Variants in SRGAP2C observed in about 807,000 individuals in gnomAD.
The protein encoded by SRGAP2C is SLIT-ROBO Rho GTPase activating protein 2C, also known as SLIT-ROBO Rho GTPase-activating protein 2C.
A neutral mutation model predicts 25.1 loss-of-function variants in SRGAP2C; 15 were observed. The observed-to-expected ratio is 0.60, with a 90% CI of 0.40 to 0.92. The LOEUF is 0.92. Among genes scored for constraint, SRGAP2C ranks in the 40% least tolerant of loss-of-function variants. The pLI, the probability that SRGAP2C is intolerant of heterozygous loss-of-function variation, is 0.00. For missense variants in SRGAP2C, 144 were observed against 264.4 expected, an observed-to-expected ratio of 0.54 and a Z score of 3.16; for synonymous variants, 44 against 96.6, an observed-to-expected ratio of 0.46 and a Z score of 3.19.
intron 3 of SRGAP2C, among the ~76,000 whole-genome samples, chr1:121,293,551 C>A (rs1657534671): frequency 6.6e-6 from 1 of 151,538 alleles, no homozygotes; most frequent in African/African-American, 2.4e-5. Flanking sequence ...CAAGATGGGG[C>A]CAAGTGTGAG....
At chr1:121,302,380 T>C (rs1463300076) in intron 3 of SRGAP2C, among the ~76,000 whole-genome samples, 10 of 152,042 alleles carry the variant, frequency 6.6e-5, no homozygotes, top group Non-Finnish European at 8.8e-5. Context: ...AGAATTTTTG[T>C]ATACTACCAT....
At chr1:121,322,763 A>G (rs1396726910) in intron 3 of SRGAP2C, among the ~76,000 whole-genome samples, 1 of 150,186 alleles carries the variant, frequency 6.7e-6, no homozygotes, top group South Asian at 2.1e-4. Flanking sequence ...ATTTGTTAAT[A>G]GTTACTACTA....
At chr1:121,309,311 T>C (rs1334715903) in intron 3 of SRGAP2C, among the ~76,000 whole-genome samples, 1 of 140,094 alleles carries the variant, frequency 7.1e-6, no homozygotes, top group African/African-American at 2.7e-5. Context: ...TTTTAAAAGA[T>C]AAACAGTTAT....
intron 2 of SRGAP2C, among the ~76,000 whole-genome samples, chr1:121,280,792 G>T: frequency 7.3e-6 from 1 of 137,526 alleles, no homozygotes; most frequent in Middle Eastern, 3.5e-3. Flanking sequence ...TAGCTCCCAA[G>T]AATTCTCATC....
chr1:121,235,626 G>GTTT (rs60027326), intron 2 of SRGAP2C, among the ~76,000 whole-genome samples: 1 of 45,742 alleles, frequency 2.2e-5, no homozygotes, highest in African/African-American at 1.9e-4. Flanking sequence ...TGCTTTTTCT[G>GTTT]TTTTTTTTTT....
chr1:121,377,299 C>G (rs1316546040), intron 7 of SRGAP2C, among the ~76,000 whole-genome samples: 6 of 74,858 alleles, frequency 8.0e-5, no homozygotes, highest in South Asian at 8.9e-4. Flanking sequence ...GAAGGAGTCT[C>G]TCTCTGTCGC....
At chr1:121,370,535 A>G (rs1659456821) in intron 5 of SRGAP2C, among the ~76,000 whole-genome samples, 1 of 131,022 alleles carries the variant, frequency 7.6e-6, no homozygotes, top group Non-Finnish European at 1.6e-5. Context: ...TCCACCTCCC[A>G]GGTTCATGCC....
At chr1:121,313,906 C>T (rs1292548216) in intron 3 of SRGAP2C, among the ~76,000 whole-genome samples, 8 of 139,126 alleles carry the variant, frequency 5.8e-5, no homozygotes, top group African/African-American at 8.1e-5. Flanking sequence ...TATGTGTCTT[C>T]GAGTTGCTCT....
chr1:121,199,509 G>A (rs587652897), intron 2 of SRGAP2C, among the ~76,000 whole-genome samples: 3 of 76,812 alleles, frequency 3.9e-5, no homozygotes, highest in African/African-American at 1.9e-4. Context: ...GTTGAAGATC[G>A]GCCTGGCTGG....
chr1:121,315,558 C>T (rs1658078709), intron 3 of SRGAP2C, among the ~76,000 whole-genome samples: 1 of 151,456 alleles, frequency 6.6e-6, no homozygotes, highest in South Asian at 2.1e-4. Flanking sequence ...ACCACTCAGC[C>T]CTTTAAAGTT....
chr1:121,335,452 T>A (rs1471886353), intron 4 of SRGAP2C, among the ~76,000 whole-genome samples: 6 of 133,684 alleles, frequency 4.5e-5, no homozygotes, highest in Admixed American at 7.9e-5. Context: ...GAATTTTTTT[T>A]ATTTCAGATT....
intron 8 of SRGAP2C, among the ~76,000 whole-genome samples, chr1:121,384,963 G>A (rs1238705355): frequency 2.6e-5 from 4 of 152,156 alleles, no homozygotes; most frequent in Admixed American, 1.3e-4. Context: ...GCTGAGCCAG[G>A]CAGGGGCCAG....
At chr1:121,263,367 C>T (rs1173857238) in intron 2 of SRGAP2C, among the ~76,000 whole-genome samples, 8 of 135,416 alleles carry the variant, frequency 5.9e-5, no homozygotes, top group African/African-American at 2.2e-4. Context: ...GGAGGCGGTG[C>T]TTGCGGTGAG....
In SRGAP2C at chr1:121,226,163, T is replaced by G. The variant is rs1570719204; in HGVS notation, c.67+38650T>G. Among the ~76,000 whole-genome samples, 3 of 142,820 alleles carry G rather than the reference T, an allele frequency of 2.1e-5. No individual in the cohort carries two copies. In the East Asian group the frequency reaches 6.4e-4, roughly 30 times the overall value. 93.7% of individuals were successfully genotyped at this position (142,820 alleles called of 152,430 possible). A position where few individuals can be genotyped will look rare whatever the true frequency, so the allele number is the denominator to read the frequency against. ...TTCTCTAAATGGGAAAAAAAATTTGTTTTTGTTTCTTTTTTACTCAGAACA... is the reference window on the plus strand; with the variant it reads ...TTCTCTAAATGGGAAAAAAAATTTGGTTTTGTTTCTTTTTTACTCAGAACA... On this transcript the variant is annotated intron_variant, in intron 2 of 9. Coordinates refer to ENST00000367123, the MANE Select transcript of SRGAP2C (RefSeq NM_001329984.2).
chr1:121,295,734 T>TTTGTTG (rs1217576526), intron 3 of SRGAP2C, among the ~76,000 whole-genome samples: 15 of 149,988 alleles, frequency 1.0e-4, no homozygotes, highest in South Asian at 2.1e-4. Flanking sequence ...CTTTTTTGTT[T>TTTGTTG]TTGTTGTTGT....
intron 5 of SRGAP2C, among the ~76,000 whole-genome samples, chr1:121,366,776 C>G (rs1659333213): frequency 1.3e-5 from 2 of 151,638 alleles, no homozygotes; most frequent in East Asian, 3.9e-4. Flanking sequence ...CTGTAAGCAT[C>G]TTGACCCTCT....
intron 2 of SRGAP2C, among the ~76,000 whole-genome samples, chr1:121,262,448 CTT>C (rs1656646313): frequency 1.4e-5 from 1 of 72,300 alleles, no homozygotes; most frequent in African/African-American, 6.3e-5. Context: ...AGGCAGAAAT[CTT>C]TACTGTGAGC....
intron 2 of SRGAP2C, among the ~76,000 whole-genome samples, chr1:121,210,308 T>C (rs1655219033): frequency 9.6e-6 from 1 of 104,336 alleles, no homozygotes; most frequent in Non-Finnish European, 1.9e-5. Context: ...GGTAATTCCA[T>C]CAGCGCTTTA....
intron 3 of SRGAP2C, among the ~76,000 whole-genome samples, chr1:121,323,969 C>T (rs1386159338): frequency 6.6e-6 from 1 of 152,152 alleles, no homozygotes; most frequent in African/African-American, 2.4e-5. Context: ...GACTTAGTGG[C>T]TAAAATGATG....
Sources: gnomAD v4.1 joint callset for allele counts (sites outside exome capture counted in the v4.1 genomes callset) on GRCh38, gnomAD v4.1.1 for gene constraint, MANE v1.5 for transcripts, NCBI Gene and HGNC (gene_info 2026-07-23, HGNC 2026-07-21) for gene names.